The following CSMD1 variants were observed in gnomAD, a reference collection of about 807,000 sequenced individuals.
CSMD1 encodes CUB and Sushi multiple domains 1.
In CSMD1, 213 loss-of-function variants were observed where a neutral mutation model predicts 417.5. The ratio of observed to expected loss-of-function variants is 0.51; its 90% CI spans 0.46 to 0.57. The LOEUF (loss-of-function observed/expected upper bound fraction) is 0.57. CSMD1 is among the 20% of genes least tolerant of loss of function. The pLI, the probability that CSMD1 is intolerant of heterozygous loss-of-function variation, is 0.00. For synonymous variants in CSMD1, 2,862 were observed against 1,736.8 expected, an observed-to-expected ratio of 1.65 and a Z score of -16.11; for missense variants, 6,923 against 4,529.7, an observed-to-expected ratio of 1.53 and a Z score of -15.17.
intron 33 of CSMD1, among the ~76,000 whole-genome samples, chr8:3,198,242 A>G (rs1361410764): frequency 1.3e-5 from 2 of 152,218 alleles, no homozygotes; most frequent in African/African-American, 2.4e-5. Context: ...TTTATCAAAA[A>G]CCAAGGAAAG....
intron 3 of CSMD1, among the ~76,000 whole-genome samples, chr8:4,129,627 T>C (rs1310756427): frequency 1.3e-5 from 2 of 152,144 alleles, no homozygotes; most frequent in East Asian, 1.9e-4. Flanking sequence ...TTGTTTCCTC[T>C]CTGGAAATTT....
At chr8:4,674,256 G>A (rs1204800175) in intron 1 of CSMD1, among the ~76,000 whole-genome samples, 1 of 152,156 alleles carries the variant, frequency 6.6e-6, no homozygotes, top group Non-Finnish European at 1.5e-5. Flanking sequence ...GTTGAAAAAA[G>A]CGGGAGGTTA....
chr8:4,299,572 T>C (rs986678020), intron 3 of CSMD1, among the ~76,000 whole-genome samples: 1 of 152,238 alleles, frequency 6.6e-6, no homozygotes, highest in African/African-American at 2.4e-5. Context: ...ATTTAAAGTC[T>C]ACATTCAGAA....
chr8:4,564,821 T>G (rs1409961959), intron 2 of CSMD1, among the ~76,000 whole-genome samples: 3 of 152,224 alleles, frequency 2.0e-5, no homozygotes, highest in Non-Finnish European at 4.4e-5. Context: ...GCTTTTTCAC[T>G]CACTGTGGGA....
intron 10 of CSMD1, among the ~76,000 whole-genome samples, chr8:3,571,227 T>A (rs1448579813): frequency 6.6e-6 from 1 of 152,216 alleles, no homozygotes; most frequent in Non-Finnish European, 1.5e-5. Context: ...GCTGTCATCC[T>A]AATTTCTGGT....
intron 5 of CSMD1, among the ~76,000 whole-genome samples, chr8:3,909,262 G>A (rs750152034): frequency 2.0e-5 from 3 of 152,188 alleles, no homozygotes; most frequent in Non-Finnish European, 4.4e-5. Context: ...CCCAAAAGGT[G>A]TCAGTGTTGA....
At chr8:3,949,244 T>C (rs1811443725) in intron 5 of CSMD1, among the ~76,000 whole-genome samples, 1 of 152,268 alleles carries the variant, frequency 6.6e-6, no homozygotes, top group Admixed American at 6.5e-5. Context: ...TTTGAAAAAA[T>C]ACAATATAAT....
At chr8:3,548,485 C>T in intron 10 of CSMD1, among the ~76,000 whole-genome samples, 1 of 151,846 alleles carries the variant, frequency 6.6e-6, no homozygotes, top group African/African-American at 2.4e-5. Context: ...GTCTACCCTG[C>T]CACTCTTATG....
At chr8:3,595,926 G>C (rs73660329) in intron 8 of CSMD1, among the ~76,000 whole-genome samples, 1 of 152,126 alleles carries the variant, frequency 6.6e-6, no homozygotes, top group Non-Finnish European at 1.5e-5. Context: ...AGCTTTGCCC[G>C]CAAGCCCCTC....
chr8:3,308,186 A>C, intron 24 of CSMD1, 126 bp downstream of exon 24: 2 of 741,154 alleles, frequency 2.7e-6, no homozygotes, highest in South Asian at 4.2e-5. Context: ...CTCAGAATAC[A>C]TAAAACTCAC....
intron 10 of CSMD1, among the ~76,000 whole-genome samples, chr8:3,497,829 G>C (rs1482001824): frequency 6.6e-6 from 1 of 152,110 alleles, no homozygotes; most frequent in African/African-American, 2.4e-5. Context: ...TTTGTGGTTT[G>C]GTGGTTTTCT....
chr8:3,722,486 C>T (rs1331375289), intron 6 of CSMD1, among the ~76,000 whole-genome samples: 38 of 152,164 alleles, frequency 2.5e-4, no homozygotes, highest in Non-Finnish European at 1.5e-5. Flanking sequence ...TGAAACCATT[C>T]TCTCCTGAAA....
At chr8:4,615,686 G>A (rs1247382655) in intron 2 of CSMD1, among the ~76,000 whole-genome samples, 3 of 152,060 alleles carry the variant, frequency 2.0e-5, no homozygotes, top group Non-Finnish European at 2.9e-5. Context: ...ACCATCTTGT[G>A]CACATAAACT....
chr8:3,294,817 C>T lies in CSMD1; in HGVS notation c.3951-10471G>A, dbSNP rs372767334. ...CCTGCTTTGGCTCCCGCTTGGTGGG[C>T]TGCACCCATTGTCCTGCACCCACTT... On this transcript the variant is annotated intron_variant, in intron 25 of 69. Coordinates refer to ENST00000635120, the MANE Select transcript of CSMD1 (RefSeq NM_033225.6). Among the ~76,000 whole-genome samples the T allele has an allele frequency of 1.6e-3, 236 of 152,208 alleles. 1 individual carries two copies. The highest frequency in any genetic ancestry group is 5.3e-3 in the African/African-American group (219 of 41,540).
At chr8:4,655,689 C>G (rs537447470) in intron 1 of CSMD1, among the ~76,000 whole-genome samples, 1 of 152,034 alleles carries the variant, frequency 6.6e-6, no homozygotes, top group Non-Finnish European at 1.5e-5. Context: ...GAAAAGGTAA[C>G]TAGGACACGA....
At position 4,140,638 on chromosome 8, in the gene CSMD1, A is replaced by T. The variant is rs1291013495; in HGVS notation, c.416-108539T>A. Among the ~76,000 whole-genome samples, 3 of 151,042 alleles carry T rather than the reference A, an allele frequency of 2.0e-5. No homozygotes were observed. The East Asian group carries it at 5.8e-4, about 29-fold the overall frequency. On this transcript the variant is annotated intron_variant, in intron 3 of 69. Coordinates refer to ENST00000635120, the MANE Select transcript of CSMD1 (RefSeq NM_033225.6). Reference sequence around the variant, plus strand: ...AGCCATGATTGCGCCACTGCACTCCAGGCTGGGCAACAGAGCAAGACCCTG... The same window carrying T: ...AGCCATGATTGCGCCACTGCACTCCTGGCTGGGCAACAGAGCAAGACCCTG...
intron 12 of CSMD1, among the ~76,000 whole-genome samples, chr8:3,425,129 C>A (rs771071644): frequency 2.0e-5 from 3 of 152,188 alleles, no homozygotes; most frequent in Admixed American, 6.5e-5. Context: ...CCTATTTTAT[C>A]ATTAGTCATT....
chr8:4,584,590 C>G (rs147443772), intron 2 of CSMD1, among the ~76,000 whole-genome samples: 2 of 152,044 alleles, frequency 1.3e-5, no homozygotes, highest in African/African-American at 4.8e-5. Context: ...TGGGCTGAGC[C>G]GAGGGTCTAC....
chr8:4,650,983 C>G (rs1380067160), intron 1 of CSMD1, among the ~76,000 whole-genome samples: 1 of 152,062 alleles, frequency 6.6e-6, no homozygotes, highest in East Asian at 1.9e-4. Flanking sequence ...ATATTGATAA[C>G]AAGAAGAAAT....
Sources: gnomAD v4.1 joint callset for allele counts (sites outside exome capture counted in the v4.1 genomes callset) on GRCh38, gnomAD v4.1.1 for gene constraint, MANE v1.5 for transcripts, NCBI Gene and HGNC (gene_info 2026-07-23, HGNC 2026-07-21) for gene names.